RERE: variants seen among roughly 807,000 people sequenced by gnomAD.
The protein encoded by RERE is arginine-glutamic acid dipeptide repeats protein.
RERE carries 40 observed loss-of-function variants against 146.1 expected under a neutral mutation model. The observed-to-expected ratio is 0.27, with a 90% CI of 0.21 to 0.36. The LOEUF (loss-of-function observed/expected upper bound fraction) is 0.36, where lower values mean the gene tolerates loss of function less well. Among genes scored for constraint, RERE ranks in the 10% least tolerant of loss-of-function variants. RERE has a pLI of 1.00. For missense variants in RERE, 1,933 were observed against 2,138.7 expected, an observed-to-expected ratio of 0.90 and a Z score of 1.90; for synonymous variants, 1,003 against 866.0, an observed-to-expected ratio of 1.16 and a Z score of -2.78.
At chr1:8,757,661 T>A (rs1187755198) in intron 1 of RERE, among the ~76,000 whole-genome samples, 1 of 152,242 alleles carries the variant, frequency 6.6e-6, no homozygotes, top group African/African-American at 2.4e-5. Flanking sequence ...ACTAAAATTA[T>A]GTATTTGAAC....
chr1:8,656,512 A>C lies in RERE; in HGVS notation c.-144-71T>G, dbSNP rs184469444. 1.6e-5 allele frequency: 10 copies of C among 621,830 alleles called. No individual in the cohort carries two copies. The East Asian group carries it at 2.1e-4, about 13-fold the overall frequency. The allele number at this position is 621,830 out of a possible 1,614,324, so 38.5% of individuals were successfully genotyped here. Reference sequence around the variant, plus strand: ...TCCTAAAATAATGTTTTGTTAAATGAATCTCTTACTTATTCATGCTTTACA... The same window carrying C: ...TCCTAAAATAATGTTTTGTTAAATGCATCTCTTACTTATTCATGCTTTACA... On this transcript the variant is annotated intron_variant, in intron 1 of 22. Transcript: ENST00000400908.
intron 12 of RERE, among the ~76,000 whole-genome samples, chr1:8,412,192 C>G (rs1351958446): frequency 6.6e-6 from 1 of 152,190 alleles, no homozygotes; most frequent in African/African-American, 2.4e-5. Context: ...AAATCCAACT[C>G]CTGCACATGG....
chr1:8,655,871 C>T, intron 2 of RERE, 102 bp downstream of exon 2: 3 of 1,511,366 alleles, frequency 2.0e-6, no homozygotes, highest in East Asian at 2.3e-5. Context: ...TTCTAGATTC[C>T]AAGCCTTCCT....
intron 8 of RERE, among the ~76,000 whole-genome samples, chr1:8,501,028 G>A (rs1570348161): frequency 2.2e-5 from 2 of 91,722 alleles, no homozygotes; most frequent in Non-Finnish European, 2.2e-5. Flanking sequence ...CACCCCGTCC[G>A]GGAGGGGGGG....
chr1:8,529,414 C>T (rs936147437), intron 7 of RERE, among the ~76,000 whole-genome samples: 3 of 150,140 alleles, frequency 2.0e-5, no homozygotes, highest in Admixed American at 6.6e-5. Context: ...CTCAGTCTCC[C>T]GAGTAGCTGG....
At chr1:8,726,126 C>G (rs181421664) in intron 1 of RERE, among the ~76,000 whole-genome samples, 1 of 147,596 alleles carries the variant, frequency 6.8e-6, no homozygotes, top group African/African-American at 2.6e-5. Flanking sequence ...TAAGGGAATT[C>G]CAGTTTTCCT....
chr1:8,813,448 T>G (rs994666959), intron 1 of RERE, among the ~76,000 whole-genome samples: 5 of 152,166 alleles, frequency 3.3e-5, no homozygotes, highest in African/African-American at 1.2e-4. Context: ...TAATGAATGC[T>G]TACTAAATCC....
intron 9 of RERE, among the ~76,000 whole-genome samples, chr1:8,495,601 C>T (rs1277403225): frequency 1.3e-5 from 2 of 152,208 alleles, no homozygotes; most frequent in Admixed American, 1.3e-4. Flanking sequence ...CGTGAGCCAT[C>T]ACGCCCAGAC....
chr1:8,521,654 T>G (rs895785041), intron 7 of RERE, among the ~76,000 whole-genome samples: 2 of 152,334 alleles, frequency 1.3e-5, no homozygotes, highest in African/African-American at 4.8e-5. Context: ...AAGAAATATT[T>G]ATTTCCAGAT....
At chr1:8,646,359 C>T (rs1038355917) in intron 2 of RERE, among the ~76,000 whole-genome samples, 1 of 151,948 alleles carries the variant, frequency 6.6e-6, no homozygotes, top group Non-Finnish European at 1.5e-5. Context: ...AAACAAGATC[C>T]CTTCTCTAAA....
intron 1 of RERE, among the ~76,000 whole-genome samples, chr1:8,731,584 C>G (rs1258187734): frequency 6.8e-6 from 1 of 147,054 alleles, no homozygotes; most frequent in Admixed American, 7.0e-5. Flanking sequence ...ATCAACAGAG[C>G]TCCAGTATAA....
Position 8,516,527 on chromosome 1 carries a change from TG to T in RERE, c.831-7853del, listed in dbSNP as rs1333404838. Among the ~76,000 whole-genome samples the T allele has an allele frequency of 2.0e-5, 3 of 152,092 alleles. No homozygotes were observed. The East Asian group carries it at 5.8e-4, about 29-fold the overall frequency. On this transcript the variant is annotated intron_variant, in intron 7 of 22. Coordinates refer to ENST00000400908, the MANE Select transcript of RERE (RefSeq NM_001042681.2). ...CTTACAGGCGACCCTGTAAGATAGG[TG>T]CTATTGTAGTAAGTGTACAGGTCAG...
intron 4 of RERE, among the ~76,000 whole-genome samples, chr1:8,563,932 A>C (rs1240907413): frequency 2.6e-5 from 4 of 152,196 alleles, no homozygotes; most frequent in South Asian, 4.1e-4. Flanking sequence ...TAAAACTTTT[A>C]ATTGGTAGTC....
At chr1:8,555,135 TA>T (rs1645990281) in intron 6 of RERE, among the ~76,000 whole-genome samples, 1 of 152,230 alleles carries the variant, frequency 6.6e-6, no homozygotes. Context: ...GTTGGCAAAC[TA>T]TGGCCAGAAA....
At chr1:8,812,211 A>C (rs1641824935) in intron 1 of RERE, among the ~76,000 whole-genome samples, 1 of 152,234 alleles carries the variant, frequency 6.6e-6, no homozygotes, top group African/African-American at 2.4e-5. Flanking sequence ...GCAAATACCC[A>C]AGACAAATAG....
At chr1:8,718,384 A>G (rs932200026) in intron 1 of RERE, among the ~76,000 whole-genome samples, 6 of 152,246 alleles carry the variant, frequency 3.9e-5, no homozygotes, top group East Asian at 1.9e-4. Flanking sequence ...TTTCTACACC[A>G]AAGAGCGGCA....
At chr1:8,388,043 C>T (rs1478268771) in intron 12 of RERE, among the ~76,000 whole-genome samples, 2 of 152,172 alleles carry the variant, frequency 1.3e-5, no homozygotes, top group East Asian at 3.8e-4. Flanking sequence ...AAAAGACGCT[C>T]TATTCATACA....
At chr1:8,523,623 T>C (rs937610181) in intron 7 of RERE, among the ~76,000 whole-genome samples, 2 of 151,148 alleles carry the variant, frequency 1.3e-5, no homozygotes, top group Non-Finnish European at 2.9e-5. Flanking sequence ...AAAAAATATT[T>C]TTCCCAGACA....
intron 19 of RERE, among the ~76,000 whole-genome samples, chr1:8,359,426 C>G (rs532919534): frequency 9.9e-5 from 15 of 152,216 alleles, no homozygotes; most frequent in Non-Finnish European, 2.2e-4. Context: ...TCTCAAGGCG[C>G]CCCCTTGTGC....
Sources: allele counts gnomAD v4.1 joint callset (sites outside exome capture counted in the v4.1 genomes callset), GRCh38; gene constraint gnomAD v4.1.1; transcripts MANE v1.5; gene names NCBI Gene and HGNC (gene_info 2026-07-23, HGNC 2026-07-21).